The following AGMO variants were observed in gnomAD, a reference collection of about 807,000 sequenced individuals.
AGMO encodes the protein alkylglycerol monooxygenase, also known as glyceryl-ether monooxygenase.
Under a neutral mutation model 60.2 loss-of-function variants are expected in AGMO, and 75 were observed. That is an observed-to-expected ratio of 1.25 (90% confidence interval 1.03 to 1.51). The LOEUF (loss-of-function observed/expected upper bound fraction) is 1.51, where lower values mean the gene tolerates loss of function less well. AGMO is among the 40% of genes most tolerant of loss of function. AGMO has a pLI of 0.00. For synonymous variants in AGMO, 261 were observed against 177.1 expected (o/e 1.47, Z -3.76); for missense variants, 763 against 525.5 (o/e 1.45, Z -4.42).
intron 12 of AGMO, among the ~76,000 whole-genome samples, chr7:15,294,888 A>G (rs1356628868): frequency 6.6e-6 from 1 of 151,968 alleles, no homozygotes; most frequent in Non-Finnish European, 1.5e-5. Context: ...TCGAAAAGTG[A>G]TACTTTAACA....
intron 12 of AGMO, among the ~76,000 whole-genome samples, chr7:15,258,769 A>T (rs1783179737): frequency 6.6e-6 from 1 of 152,062 alleles, no homozygotes; most frequent in Non-Finnish European, 1.5e-5. Flanking sequence ...GACACTCGCC[A>T]GTACCATCCC....
At chr7:15,315,008 C>G (rs996078880) in intron 12 of AGMO, among the ~76,000 whole-genome samples, 13 of 152,164 alleles carry the variant, frequency 8.5e-5, no homozygotes, top group Middle Eastern at 3.4e-3. Flanking sequence ...ATACTAACCG[C>G]CAGCTGATAG....
At chr7:15,151,662 G>A in the AGMO span, among the ~76,000 whole-genome samples, 1 of 152,076 alleles carries the variant, frequency 6.6e-6, no homozygotes, top group Non-Finnish European at 1.5e-5. Flanking sequence ...GTGTCGTGAT[G>A]TGAGAGTGTG....
chr7:15,406,847 T>C (rs1458649112), intron 5 of AGMO, among the ~76,000 whole-genome samples: 9 of 117,430 alleles, frequency 7.7e-5, no homozygotes, highest in African/African-American at 2.7e-4. Context: ...TGTATATGTA[T>C]ATGTGATCCT....
At chr7:15,316,946 A>C (rs1563083165) in intron 12 of AGMO, among the ~76,000 whole-genome samples, 1 of 152,206 alleles carries the variant, frequency 6.6e-6, no homozygotes, top group Non-Finnish European at 1.5e-5. Flanking sequence ...CAGAAAGAGA[A>C]TATTCAGCTT....
chr7:15,401,484 C>T (rs963917618), intron 5 of AGMO, among the ~76,000 whole-genome samples: 3 of 152,062 alleles, frequency 2.0e-5, no homozygotes, highest in Non-Finnish European at 2.9e-5. Flanking sequence ...GGAAATTTGC[C>T]TCCTCTTACC....
At chr7:15,145,949 G>A in the AGMO span, among the ~76,000 whole-genome samples, 13 of 152,176 alleles carry the variant, frequency 8.5e-5, no homozygotes, top group East Asian at 7.7e-4. Flanking sequence ...GCAATGAAGC[G>A]GAAGGTATTT....
At chr7:15,184,013 G>A in the AGMO span, among the ~76,000 whole-genome samples, 4 of 152,056 alleles carry the variant, frequency 2.6e-5, 1 homozygote, top group African/African-American at 7.2e-5. Context: ...TTAATAAATT[G>A]TTAAAAACAA....
intron 12 of AGMO, among the ~76,000 whole-genome samples, chr7:15,228,680 TA>T (rs1388685071): frequency 1.3e-5 from 2 of 152,132 alleles, no homozygotes; most frequent in Middle Eastern, 3.2e-3. Context: ...AATGATCACT[TA>T]AAAAATGATC....
At chr7:15,208,135 A>C (rs1027299680) in intron 12 of AGMO, among the ~76,000 whole-genome samples, 11 of 152,182 alleles carry the variant, frequency 7.2e-5, no homozygotes, top group African/African-American at 2.4e-4. Context: ...TTTAAATTGA[A>C]GCTTGAATTT....
At chr7:15,546,102 C>A (rs1226341892) in intron 2 of AGMO, among the ~76,000 whole-genome samples, 1 of 151,940 alleles carries the variant, frequency 6.6e-6, no homozygotes, top group African/African-American at 2.4e-5. Flanking sequence ...AAGATCCAGC[C>A]CTTTAATTTT....
chr7:15,155,740 G>A, the AGMO span, among the ~76,000 whole-genome samples: 3 of 152,082 alleles, frequency 2.0e-5, no homozygotes, highest in African/African-American at 7.2e-5. Flanking sequence ...TCTTGCACTG[G>A]TTGTTTCTCA....
chr7:15,289,426 T>C (rs538786784), intron 12 of AGMO, among the ~76,000 whole-genome samples: 8 of 152,268 alleles, frequency 5.3e-5, no homozygotes, highest in East Asian at 3.9e-4. Context: ...AATATGCTTA[T>C]AGACATAAAA....
At chr7:15,128,157 C>T in the AGMO span, among the ~76,000 whole-genome samples, 1 of 152,090 alleles carries the variant, frequency 6.6e-6, no homozygotes, top group Non-Finnish European at 1.5e-5. Context: ...ACTAGTGCTT[C>T]CTACTCTGGC....
the AGMO span, among the ~76,000 whole-genome samples, chr7:15,147,324 T>A: frequency 5.3e-5 from 8 of 152,026 alleles, no homozygotes; most frequent in African/African-American, 1.9e-4. Flanking sequence ...CTCAGTTAAG[T>A]CCACAGTTCT....
chr7:15,343,799 G>A (rs1369295279), intron 12 of AGMO, among the ~76,000 whole-genome samples: 1 of 152,150 alleles, frequency 6.6e-6, no homozygotes, highest in Admixed American at 6.5e-5. Flanking sequence ...ATCACAGAAA[G>A]GGAAGCAGAG....
chr7:15,425,731 C>A (rs1469944148), intron 4 of AGMO, among the ~76,000 whole-genome samples: 1 of 152,178 alleles, frequency 6.6e-6, no homozygotes, highest in Non-Finnish European at 1.5e-5. Context: ...TGAGCCATCA[C>A]ACCCAGCCCA....
chr7:15,152,084 T>C, the AGMO span, among the ~76,000 whole-genome samples: 2 of 152,168 alleles, frequency 1.3e-5, no homozygotes, highest in Non-Finnish European at 2.9e-5. Context: ...TGGGTGCATA[T>C]ATAGTTAAGA....
chr7:15,193,329 G>A, the AGMO span, among the ~76,000 whole-genome samples: 8 of 152,080 alleles, frequency 5.3e-5, no homozygotes, highest in East Asian at 1.9e-4. Context: ...TCAGAATAAC[G>A]TTTCAAAAAT....
Sources: gnomAD v4.1 joint callset for allele counts (sites outside exome capture counted in the v4.1 genomes callset) on GRCh38, gnomAD v4.1.1 for gene constraint, MANE v1.5 for transcripts, NCBI Gene and HGNC (gene_info 2026-07-23, HGNC 2026-07-21) for gene names.